The following CTIF variants were observed in gnomAD, a reference collection of about 807,000 sequenced individuals.
The protein encoded by CTIF is cap binding complex dependent translation initiation factor.
A neutral mutation model predicts 66.0 loss-of-function variants in CTIF; 21 were observed. That is an observed-to-expected ratio of 0.32 (90% confidence interval 0.23 to 0.46). The LOEUF is 0.46. Among genes scored for constraint, CTIF ranks in the 20% least tolerant of loss-of-function variants. The probability of loss-of-function intolerance (pLI) is 1.00; values close to 1 mark genes in which losing one functional copy is unlikely to be tolerated. For missense variants in CTIF, 739 were observed against 812.7 expected (o/e 0.91, Z 1.10); for synonymous variants, 345 against 326.4 (o/e 1.06, Z -0.62).
intron 9 of CTIF, among the ~76,000 whole-genome samples, chr18:48,779,020 A>G (rs1053096095): frequency 3.9e-5 from 6 of 152,172 alleles, no homozygotes; most frequent in Middle Eastern, 3.2e-3. Flanking sequence ...GGCCTGGGCA[A>G]GTGGTTTTCC....
At chr18:48,545,455 G>C (rs1568022681) in intron 1 of CTIF, among the ~76,000 whole-genome samples, 1 of 152,140 alleles carries the variant, frequency 6.6e-6, no homozygotes. Flanking sequence ...TCTAAGGATG[G>C]ACCAAAGGTC....
At chr18:48,678,708 G>T (rs529833313) in intron 6 of CTIF, among the ~76,000 whole-genome samples, 1 of 151,908 alleles carries the variant, frequency 6.6e-6, no homozygotes, top group Non-Finnish European at 1.5e-5. Flanking sequence ...GTTTCCACGC[G>T]GGCCTCCTCC....
intron 9 of CTIF, among the ~76,000 whole-genome samples, chr18:48,788,987 A>G (rs2067735720): frequency 6.6e-6 from 1 of 152,172 alleles, no homozygotes; most frequent in Non-Finnish European, 1.5e-5. Context: ...GACCCTGGGC[A>G]GACTCAGGAG....
chr18:48,761,080 T>A lies in CTIF; in HGVS notation c.1072-310T>A, dbSNP rs2291226. 110,569 of 251,896 alleles carry A rather than the reference T, an allele frequency of 0.44. 26,125 individuals carry two copies. Among genetic ancestry groups the A allele is most frequent in the African/African-American group, 0.59 (26,719 of 45,142 alleles). The allele number at this position is 251,896 out of a possible 1,614,324, so 15.6% of individuals were successfully genotyped here. On this transcript the variant is annotated intron_variant, in intron 8 of 11. Transcript: ENST00000256413. This position sits in a 1 kb window ranked among gnomAD's most constrained non-coding sequence, Gnocchi z 4.2. The stretch of plus-strand genomic sequence containing the variant: ...CCTCTTTCATAATTTCCATTAAATC[T>A]TTTCTAGATTAAGATATTTGATGGA...
intron 7 of CTIF, among the ~76,000 whole-genome samples, chr18:48,731,826 A>G (rs1306655716): frequency 6.6e-6 from 1 of 152,210 alleles, no homozygotes; most frequent in Non-Finnish European, 1.5e-5. Context: ...GGGTCAGCAA[A>G]GTTTTCTACA....
intron 7 of CTIF, among the ~76,000 whole-genome samples, chr18:48,717,376 C>T (rs1485240862): frequency 6.6e-6 from 1 of 151,254 alleles, no homozygotes; most frequent in African/African-American, 2.4e-5. Flanking sequence ...CCAGCCTGGG[C>T]AACAAGAGCG....
At chr18:48,686,887 C>T (rs1048269903) in intron 6 of CTIF, among the ~76,000 whole-genome samples, 2 of 152,214 alleles carry the variant, frequency 1.3e-5, no homozygotes, top group African/African-American at 4.8e-5. Context: ...AAGTTGCCCA[C>T]TCCTCCTTCG....
intron 1 of CTIF, among the ~76,000 whole-genome samples, chr18:48,602,819 A>G (rs188808662): frequency 6.6e-6 from 1 of 151,288 alleles, no homozygotes; most frequent in African/African-American, 2.4e-5. Context: ...GAATGGATGA[A>G]TGGGTGGATG....
intron 6 of CTIF, among the ~76,000 whole-genome samples, chr18:48,702,190 G>T (rs537626334): frequency 1.3e-5 from 2 of 152,346 alleles, no homozygotes; most frequent in South Asian, 4.1e-4. Context: ...TCTTTAGACT[G>T]TTACAATAAG....
At chr18:48,697,639 G>C (rs1250537331) in intron 6 of CTIF, among the ~76,000 whole-genome samples, 1 of 152,190 alleles carries the variant, frequency 6.6e-6, no homozygotes, top group Non-Finnish European at 1.5e-5. Context: ...TGCCAGGGCA[G>C]GAACCCGGGT....
intron 8 of CTIF, chr18:48,760,243 A>G (rs1908845661): frequency 6.9e-6 from 1 of 144,264 alleles, no homozygotes. Flanking sequence ...GCTGGAGTGC[A>G]GTGGCCCAAT....
At chr18:48,557,764 C>A (rs1167920554) in intron 1 of CTIF, among the ~76,000 whole-genome samples, 1 of 152,234 alleles carries the variant, frequency 6.6e-6, no homozygotes, top group Non-Finnish European at 1.5e-5. Context: ...CTGGTGAGGG[C>A]TCTCTTCCTG....
chr18:48,786,904 G>T (rs8092080), intron 9 of CTIF, among the ~76,000 whole-genome samples: 1,925 of 152,058 alleles, frequency 0.013, 43 homozygotes, highest in African/African-American at 0.044. Flanking sequence ...CATGGGGCAG[G>T]GGGTGGCCCG....
chr18:48,700,180 G>C (rs1237121828), intron 6 of CTIF, among the ~76,000 whole-genome samples: 1 of 152,212 alleles, frequency 6.6e-6, no homozygotes, highest in Non-Finnish European at 1.5e-5. Context: ...TTCATGAGAT[G>C]TGATGGTTTT....
At chr18:48,621,980 T>C (rs1568080674) in intron 2 of CTIF, among the ~76,000 whole-genome samples, 2 of 152,260 alleles carry the variant, frequency 1.3e-5, no homozygotes, top group East Asian at 1.9e-4. Context: ...GCATCTAAAA[T>C]GGCTCCTGCA....
intron 9 of CTIF, among the ~76,000 whole-genome samples, chr18:48,808,516 CT>C (rs34004475): frequency 0.2 from 27,026 of 135,384 alleles, 2,467 homozygotes; most frequent in East Asian, 0.3. Context: ...ATTTTTGGTC[CT>C]TTTTTTTTTT....
At chr18:48,824,071 C>T (rs1189617213) in intron 10 of CTIF, among the ~76,000 whole-genome samples, 2 of 150,814 alleles carry the variant, frequency 1.3e-5, no homozygotes, top group African/African-American at 4.9e-5. Flanking sequence ...AATCAACATA[C>T]AAAAATCCTT....
At chr18:48,692,728 A>G (rs2091948654) in intron 6 of CTIF, 1 of 152,112 alleles carries the variant, frequency 6.6e-6, no homozygotes, top group South Asian at 2.1e-4. Context: ...CCCTACAACA[A>G]TGGTTCCCAC....
chr18:48,568,658 A>AAAAAAAAAAAC (rs2089338085), intron 1 of CTIF, among the ~76,000 whole-genome samples: 1 of 143,660 alleles, frequency 7.0e-6, no homozygotes, highest in Non-Finnish European at 1.5e-5. Flanking sequence ...AAAAAAAAAA[A>AAAAAAAAAAAC]AAAAAAAAAA....
Sources: allele counts gnomAD v4.1 joint callset (sites outside exome capture counted in the v4.1 genomes callset), GRCh38; gene constraint gnomAD v4.1.1; non-coding constraint Gnocchi (gnomAD v3.1); transcripts MANE v1.5; gene names NCBI Gene and HGNC (gene_info 2026-07-23, HGNC 2026-07-21).